The following SPTB variants were observed in gnomAD, a reference collection of about 807,000 sequenced individuals.
The protein encoded by SPTB is spectrin beta chain, erythrocytic.
In SPTB, 45 loss-of-function variants were observed where a neutral mutation model predicts 256.2. That is an observed-to-expected ratio of 0.18 (90% CI 0.14 to 0.23). SPTB has a LOEUF of 0.23. SPTB is among the 10% of genes least tolerant of loss of function. SPTB has a pLI of 1.00. For missense variants in SPTB, 2,715 were observed against 3,040.4 expected (o/e 0.89, Z 2.52); for synonymous variants, 1,231 against 1,243.1 (o/e 0.99, Z 0.21).
chr14:64,750,996 AATAC>A (rs1232423762), intron 33 of SPTB, among the ~76,000 whole-genome samples: 1 of 145,256 alleles, frequency 6.9e-6, no homozygotes, highest in Non-Finnish European at 1.5e-5. Flanking sequence ...CATTATATAT[AATAC>A]ATTATATATT....
At chr14:64,854,605 G>C (rs563160796) in intron 1 of SPTB, among the ~76,000 whole-genome samples, 4 of 152,150 alleles carry the variant, frequency 2.6e-5, no homozygotes, top group African/African-American at 9.6e-5. Flanking sequence ...ATTGGAGACA[G>C]CTCTGTCTCC....
Position 64,749,507 on chromosome 14 carries a change from G to T in SPTB, c.6820-34C>A, listed in dbSNP as rs767391649. ...CGGAGGGTCACGGTGGAGTCTGGAG[G>T]CCCACAGCCCCCCACCTCCCGGGCC... On this transcript the variant is annotated intron_variant, in intron 35 of 35. Transcript: ENST00000644917. This position sits in a 1 kb window ranked among gnomAD's most constrained non-coding sequence, Gnocchi z 4.7. 4.4e-6 allele frequency: 7 copies of T among 1,597,430 alleles called. No individual in the cohort carries two copies. The highest frequency in any genetic ancestry group is 5.9e-6 in the Non-Finnish European group (7 of 1,177,458).
At position 64,749,820 on chromosome 14, in the gene SPTB, T is replaced by C. The variant is rs2081916359; in HGVS notation, c.6777-124A>G. The C allele has an allele frequency of 1.3e-6, 2 of 1,494,764 alleles. No homozygotes were observed. Among genetic ancestry groups the C allele is most frequent in the Non-Finnish European group, 1.8e-6 (2 of 1,086,326 alleles). 92.6% of individuals were successfully genotyped at this position (1,494,764 alleles called of 1,614,324 possible). On this transcript the variant is annotated intron_variant, in intron 34 of 35. Coordinates refer to ENST00000644917, the MANE Select transcript of SPTB (RefSeq NM_001355436.2). This position sits in a 1 kb window ranked among gnomAD's most constrained non-coding sequence, Gnocchi z 4.7. ...AGACCCCTCTCAGGCAGCCCAGCAC[T>C]TTCTGAGAGGTCAAAGTCTGGACCA...
At chr14:64,750,585 G>A (rs1455728981) in intron 33 of SPTB, among the ~76,000 whole-genome samples, 1 of 151,902 alleles carries the variant, frequency 6.6e-6, no homozygotes, top group East Asian at 1.9e-4. Flanking sequence ...AGACCAGCCT[G>A]GCAAACGTGG....
Position 64,786,563 on chromosome 14 carries a change from T to G in SPTB, c.3402A>C (p.Pro1134=). Residue 1134 remains proline (P), a synonymous_variant, in exon 16 of 36, where the codon CCA becomes CCC. Transcript: ENST00000644917. The surrounding 1 kb of genome is among the most constrained non-coding windows in gnomAD (Gnocchi z 5.6). ...GEKVIQGQTD[P]EYLLLGQRLE... ...GCCGCTGGCCCAGAAGCAGATACTC[T>G]GGGTCCGTCTGGCCTTGGATCACTT... is the stretch of plus-strand genomic sequence containing the variant. 1 of 1,614,198 alleles carries G rather than the reference T, an allele frequency of 6.2e-7. No individual in the cohort carries two copies. Among genetic ancestry groups the G allele is most frequent in the Non-Finnish European group, 8.5e-7 (1 of 1,180,028 alleles).
intron 15 of SPTB, among the ~76,000 whole-genome samples, chr14:64,788,805 A>G (rs1202769130): frequency 1.3e-5 from 2 of 152,192 alleles, no homozygotes; most frequent in South Asian, 2.1e-4. Flanking sequence ...GAGGAGGTTG[A>G]TAGAGCCACT....
intron 1 of SPTB, among the ~76,000 whole-genome samples, chr14:64,850,785 C>T (rs940752505): frequency 6.6e-6 from 1 of 152,220 alleles, no homozygotes; most frequent in Non-Finnish European, 1.5e-5. Context: ...CACAATTCTT[C>T]CTCTCTCTTC....
intron 2 of SPTB, among the ~76,000 whole-genome samples, chr14:64,805,556 TC>T (rs776560630): frequency 1.3e-5 from 2 of 152,154 alleles, no homozygotes; most frequent in Non-Finnish European, 1.5e-5. Flanking sequence ...GGGTTGGGTC[TC>T]CCTTCATGTG....
In SPTB at chr14:64,796,836, G is replaced by T; in HGVS notation, c.1183-121C>A. 1 of 1,302,284 alleles carries T rather than the reference G, an allele frequency of 7.7e-7. No individual in the cohort carries two copies. Among genetic ancestry groups the T allele is most frequent in the Non-Finnish European group, 1.1e-6 (1 of 918,004 alleles). 80.7% of individuals were successfully genotyped at this position (1,302,284 alleles called of 1,614,324 possible). The stretch of plus-strand genomic sequence containing the variant: ...AATCAAGGTACAGCCTGATGCTCTT[G>T]GGTGACGTGGTAGCAGATTAAAGAT... On this transcript the variant is annotated intron_variant, in intron 10 of 35. Coordinates refer to ENST00000644917, the MANE Select transcript of SPTB (RefSeq NM_001355436.2). The surrounding 1 kb of genome is among the most constrained non-coding windows in gnomAD (Gnocchi z 4.1).
Position 64,845,004 on chromosome 14 carries a change from AC to A in SPTB, c.-51-21860del, listed in dbSNP as rs1314511634. 6.6e-6 allele frequency among the ~76,000 whole-genome samples: 1 copy of A among 152,254 alleles called. No homozygotes were observed. The highest frequency in any genetic ancestry group is 1.5e-5 in the Non-Finnish European group (1 of 68,042). ...CTTTGAGCTCTTGCTCTCACTGCATACAATACTTCCTTGTTAAAGAGAGAGA... is the reference window on the plus strand; with the variant it reads ...CTTTGAGCTCTTGCTCTCACTGCATAAATACTTCCTTGTTAAAGAGAGAGA... On this transcript the variant is annotated intron_variant, in intron 1 of 35. Transcript: ENST00000644917. This position sits in a 1 kb window ranked among gnomAD's most constrained non-coding sequence, Gnocchi z 4.8.
rs1005883497 is a variant in SPTB at position 64,853,906 on chromosome 14, C to T, written c.-52+25886G>A. ...ATTAAAAATTTTTTTAGATACTTAT[C>T]ACTGGCCAGCCGCGGTGGCTCACGC... On this transcript the variant is annotated intron_variant, in intron 1 of 35. Transcript: ENST00000644917. The surrounding 1 kb of genome is among the most constrained non-coding windows in gnomAD (Gnocchi z 4.3). 8.5e-5 allele frequency among the ~76,000 whole-genome samples: 13 copies of T among 152,146 alleles called. No individual in the cohort carries two copies. The highest frequency in any genetic ancestry group is 1.9e-4 in the Non-Finnish European group (13 of 68,036).
Position 64,750,139 on chromosome 14 carries a change from C to T in SPTB, c.6618G>A (p.Leu2206=), listed in dbSNP as rs747186041. Residue 2206 remains leucine, a synonymous_variant, in exon 34 of 36, where the codon CTG becomes CTA. Transcript: ENST00000644917. ...KKASNRSWNN[L]YCVLRNSELT... ...GCTCACTGTTCCTGAGCACACAGTA[C>T]AGGTTGTTCCAGGACCTGCAAAGAT... The T allele has an allele frequency of 7.4e-6, 12 of 1,612,624 alleles. No individual in the cohort carries two copies. The South Asian group carries it at 1.2e-4, about 16-fold the overall frequency.
chr14:64,769,918 C>T (rs538468841), intron 27 of SPTB, among the ~76,000 whole-genome samples, 190 bp from the exon 28 acceptor site: 2 of 152,356 alleles, frequency 1.3e-5, no homozygotes, highest in Non-Finnish European at 2.9e-5. Flanking sequence ...TGGTATCTTC[C>T]ATTGCTCAGT....
intron 1 of SPTB, among the ~76,000 whole-genome samples, chr14:64,837,700 C>G (rs2083546570): frequency 6.6e-6 from 1 of 152,188 alleles, no homozygotes; most frequent in South Asian, 2.1e-4. Context: ...CTCCCAGGTT[C>G]AAGCGATTCT....
intron 32 of SPTB, chr14:64,766,346 G>A (rs1164367026): frequency 8.1e-7 from 1 of 1,228,594 alleles, no homozygotes; most frequent in Admixed American, 3.6e-5. Context: ...AGAGGAAGGA[G>A]TTGGAAAATG....
At chr14:64,851,009 A>C (rs1483475918) in intron 1 of SPTB, among the ~76,000 whole-genome samples, 1 of 152,228 alleles carries the variant, frequency 6.6e-6, no homozygotes, top group Non-Finnish European at 1.5e-5. Flanking sequence ...TGAACCTGAC[A>C]CAACTTCCCA....
chr14:64,787,129 G>A lies in SPTB; in HGVS notation c.2836C>T (p.Arg946Trp), dbSNP rs753596088. 1.7e-5 allele frequency: 28 copies of A among 1,607,746 alleles called. No homozygotes were observed. Among genetic ancestry groups the A allele is most frequent in the Middle Eastern group, 1.6e-4 (1 of 6,062 alleles). ...AGGGCTGAGTCCACAGCCTCCCGCCGCTCCGACACCAGGGTCTGAAATGCC... is the reference window on the plus strand; with the variant it reads ...AGGGCTGAGTCCACAGCCTCCCGCCACTCCGACACCAGGGTCTGAAATGCC... ...WQAFQTLVSE[R>W]REAVDSALRV... is the part of the protein sequence containing the mutation. The change falls in exon 16 of 36, where the codon CGG becomes TGG. Residue 946 changes from arginine (R) to tryptophan (W), a missense_variant. Physicochemically the swap from Arg to Trp is moderately radical, Grantham distance 101 (BLOSUM62 -3). Around this residue, in one of 4 missense-constraint regions of SPTB, gnomAD observed 2,239 missense variants for 2,384.4 expected, o/e 0.94. Coordinates refer to ENST00000644917, the MANE Select transcript of SPTB (RefSeq NM_001355436.2).
intron 1 of SPTB, among the ~76,000 whole-genome samples, chr14:64,858,518 C>T (rs946872138): frequency 2.6e-5 from 4 of 152,030 alleles, no homozygotes; most frequent in South Asian, 2.1e-4. Context: ...TGGACAACCA[C>T]AGGTGACTGG....
chr14:64,749,464 G>GCC lies in SPTB; in HGVS notation c.6828_6829insGG (p.Leu2277GlyfsTer8). 6.2e-7 allele frequency: 1 copy of GCC among 1,601,070 alleles called. No homozygotes were observed. Among genetic ancestry groups the GCC allele is most frequent in the Non-Finnish European group, 8.5e-7 (1 of 1,178,332 alleles). ...GTGCTCACGCCCTGCAGCCAGGACAGCATCTCCTCCTGCGGGGCGGAGGGT... is the reference window on the plus strand; with the variant it reads ...GTGCTCACGCCCTGCAGCCAGGACAGCCCATCTCCTCCTGCGGGGCGGAGGGT... On this transcript the variant is annotated frameshift_variant, in exon 36 of 36. Transcript: ENST00000644917. LOFTEE classifies it high-confidence loss of function. The surrounding 1 kb of genome is among the most constrained non-coding windows in gnomAD (Gnocchi z 4.7).
Sources: gnomAD v4.1 joint callset for allele counts (sites outside exome capture counted in the v4.1 genomes callset) on GRCh38, gnomAD v4.1.1 for gene constraint, gnomAD v4.1.1 regional missense constraint, Gnocchi (gnomAD v3.1) non-coding constraint, MANE v1.5 for transcripts, NCBI Gene and HGNC (gene_info 2026-07-23, HGNC 2026-07-21) for gene names.